Variants in DRC11 observed in about 807,000 individuals in gnomAD.
DRC11 encodes IQ and AAA domain-containing protein 1.
the DRC11 span, among the ~76,000 whole-genome samples, chr2:236,460,556 A>T: frequency 6.6e-6 from 1 of 152,314 alleles, no homozygotes; most frequent in South Asian, 2.1e-4. This position sits in a 1 kb window ranked among gnomAD's most constrained non-coding sequence, Gnocchi z 4.0. Flanking sequence ...CAACCCAAAT[A>T]GATGGCCTTT....
the DRC11 span, chr2:236,465,610 T>C: frequency 8.7e-6 from 14 of 1,613,822 alleles, no homozygotes; most frequent in East Asian, 2.2e-5. This position sits in a 1 kb window ranked among gnomAD's most constrained non-coding sequence, Gnocchi z 6.2. Context: ...GGCTTCCCTG[T>C]AGTCCTCTTC....
At chr2:236,339,286 A>C in the DRC11 span, among the ~76,000 whole-genome samples, 1 of 152,120 alleles carries the variant, frequency 6.6e-6, no homozygotes. Flanking sequence ...TTGAGTTGTA[A>C]GGGTTCTTTG....
At chr2:236,445,414 C>A in the DRC11 span, among the ~76,000 whole-genome samples, 1 of 152,026 alleles carries the variant, frequency 6.6e-6, no homozygotes, top group Non-Finnish European at 1.5e-5. This position sits in a 1 kb window ranked among gnomAD's most constrained non-coding sequence, Gnocchi z 4.8. Context: ...CTCACTGCAA[C>A]CTCTGCCTTC....
At chr2:236,490,471 T>C in the DRC11 span, among the ~76,000 whole-genome samples, 2 of 152,184 alleles carry the variant, frequency 1.3e-5, no homozygotes, top group Non-Finnish European at 2.9e-5. The surrounding 1 kb of genome is among the most constrained non-coding windows in gnomAD (Gnocchi z 5.5). Context: ...CGCTTCAAAT[T>C]TGCAGTGAGC....
At chr2:236,484,762 T>C in the DRC11 span, among the ~76,000 whole-genome samples, 1 of 152,194 alleles carries the variant, frequency 6.6e-6, no homozygotes, top group Admixed American at 6.5e-5. Flanking sequence ...AAACTGAGTC[T>C]CATCCTTACT....
the DRC11 span, among the ~76,000 whole-genome samples, chr2:236,431,369 C>T: frequency 1.3e-4 from 20 of 152,330 alleles, no homozygotes; most frequent in African/African-American, 4.3e-4. This position sits in a 1 kb window ranked among gnomAD's most constrained non-coding sequence, Gnocchi z 4.2. Flanking sequence ...TCCTTCTTCA[C>T]ATGGCAACAG....
the DRC11 span, among the ~76,000 whole-genome samples, chr2:236,313,913 G>A: frequency 6.6e-6 from 1 of 152,198 alleles, no homozygotes; most frequent in Non-Finnish European, 1.5e-5. The surrounding 1 kb of genome is among the most constrained non-coding windows in gnomAD (Gnocchi z 4.5). Context: ...AGGAAGAGGA[G>A]TAGGAGGGAA....
chr2:236,324,387 G>A, the DRC11 span: 4 of 276,560 alleles, frequency 1.4e-5, no homozygotes, highest in African/African-American at 8.7e-5. This position sits in a 1 kb window ranked among gnomAD's most constrained non-coding sequence, Gnocchi z 5.7. Flanking sequence ...GACTGTGGAG[G>A]GTGTCAAGAG....
the DRC11 span, among the ~76,000 whole-genome samples, chr2:236,354,672 C>A: frequency 2.6e-5 from 4 of 152,174 alleles, no homozygotes; most frequent in Non-Finnish European, 5.9e-5. Context: ...TGGCATCAAA[C>A]CCTGGTCCCG....
the DRC11 span, among the ~76,000 whole-genome samples, chr2:236,409,934 C>T: frequency 6.6e-6 from 1 of 152,260 alleles, no homozygotes; most frequent in East Asian, 1.9e-4. Context: ...TATATTGAAC[C>T]AGCCTTGCAT....
the DRC11 span, among the ~76,000 whole-genome samples, chr2:236,434,905 A>C: frequency 1.3e-5 from 2 of 152,188 alleles, no homozygotes; most frequent in Admixed American, 6.5e-5. The surrounding 1 kb of genome is among the most constrained non-coding windows in gnomAD (Gnocchi z 5.5). Context: ...CACATAAAAA[A>C]AGTGAAACAA....
the DRC11 span, chr2:236,493,666 T>C: frequency 1.0e-6 from 1 of 1,000,888 alleles, no homozygotes. Flanking sequence ...CATTCTCTGC[T>C]TAAACTGAAA....
At chr2:236,496,700 A>G in the DRC11 span, among the ~76,000 whole-genome samples, 1 of 152,220 alleles carries the variant, frequency 6.6e-6, no homozygotes, top group Non-Finnish European at 1.5e-5. This position sits in a 1 kb window ranked among gnomAD's most constrained non-coding sequence, Gnocchi z 6.3. Flanking sequence ...CATGTAAGCC[A>G]TACATTCCCC....
chr2:236,336,537 C>T, the DRC11 span, among the ~76,000 whole-genome samples: 8 of 151,936 alleles, frequency 5.3e-5, no homozygotes, highest in East Asian at 1.5e-3. This position sits in a 1 kb window ranked among gnomAD's most constrained non-coding sequence, Gnocchi z 7.3. Context: ...TCATCATCTC[C>T]AGTGTCAAAT....
At chr2:236,490,725 A>G in the DRC11 span, among the ~76,000 whole-genome samples, 1 of 152,026 alleles carries the variant, frequency 6.6e-6, no homozygotes, top group South Asian at 2.1e-4. This position sits in a 1 kb window ranked among gnomAD's most constrained non-coding sequence, Gnocchi z 5.5. Context: ...CCCACAGTGG[A>G]TATTAATGTA....
the DRC11 span, among the ~76,000 whole-genome samples, chr2:236,389,553 C>T: frequency 1.1e-4 from 16 of 152,316 alleles, no homozygotes; most frequent in South Asian, 3.1e-3. Flanking sequence ...CTGACCTGTG[C>T]CCACTGTCTG....
At chr2:236,416,745 A>ATTTTTT in the DRC11 span, among the ~76,000 whole-genome samples, 6 of 59,628 alleles carry the variant, frequency 1.0e-4, no homozygotes, top group Non-Finnish European at 1.8e-4. Context: ...ATATATATAT[A>ATTTTTT]TATATATATA....
chr2:236,429,457 G>A, the DRC11 span, among the ~76,000 whole-genome samples: 5 of 152,186 alleles, frequency 3.3e-5, no homozygotes, highest in Non-Finnish European at 7.4e-5. The surrounding 1 kb of genome is among the most constrained non-coding windows in gnomAD (Gnocchi z 5.9). Flanking sequence ...GATAGTTGCT[G>A]GAGGGCATGG....
the DRC11 span, among the ~76,000 whole-genome samples, chr2:236,352,695 T>A: frequency 6.6e-6 from 1 of 152,214 alleles, no homozygotes; most frequent in South Asian, 2.1e-4. The surrounding 1 kb of genome is among the most constrained non-coding windows in gnomAD (Gnocchi z 7.0). Context: ...TGGGATCTTG[T>A]TCAACACATA....
Sources: allele counts gnomAD v4.1 joint callset (sites outside exome capture counted in the v4.1 genomes callset), GRCh38; gene constraint gnomAD v4.1.1; non-coding constraint Gnocchi (gnomAD v3.1); transcripts MANE v1.5; gene names NCBI Gene and HGNC (gene_info 2026-07-23, HGNC 2026-07-21).